NKAIN2: variants seen among roughly 807,000 people sequenced by gnomAD.
NKAIN2 encodes the protein sodium/potassium transporting ATPase interacting 2.
NKAIN2 carries 14 observed loss-of-function variants against 32.6 expected under a neutral mutation model. That is an observed-to-expected ratio of 0.43 (90% CI 0.28 to 0.67). NKAIN2 has a LOEUF of 0.67. NKAIN2 is among the 30% of genes least tolerant of loss of function. NKAIN2 has a pLI of 0.17. For missense variants in NKAIN2, 198 were observed against 258.3 expected (o/e 0.77, Z 1.60); for synonymous variants, 80 against 87.2 (o/e 0.92, Z 0.46).
chr6:124,708,404 TG>T (rs1490767831), intron 4 of NKAIN2, among the ~76,000 whole-genome samples: 1 of 151,812 alleles, frequency 6.6e-6, no homozygotes, highest in Non-Finnish European at 1.5e-5. Context: ...TTGATGGGGA[TG>T]GCATTGAATC....
chr6:124,349,044 G>T (rs1424591900), intron 2 of NKAIN2, among the ~76,000 whole-genome samples: 2 of 152,142 alleles, frequency 1.3e-5, no homozygotes, highest in African/African-American at 4.8e-5. Context: ...TTCCTTAGGA[G>T]TGATTCTAAC....
intron 4 of NKAIN2, among the ~76,000 whole-genome samples, chr6:124,714,193 G>A (rs906698228): frequency 2.0e-5 from 3 of 151,886 alleles, no homozygotes; most frequent in Non-Finnish European, 4.4e-5. Context: ...ATAAATATTG[G>A]AGCTGAGGGC....
At chr6:124,789,573 T>C (rs770034330) in intron 4 of NKAIN2, among the ~76,000 whole-genome samples, 8 of 151,922 alleles carry the variant, frequency 5.3e-5, no homozygotes, top group Non-Finnish European at 1.0e-4. Context: ...CATGATGTGT[T>C]AGTATAATCT....
At chr6:124,082,087 C>A (rs896020768) in intron 1 of NKAIN2, among the ~76,000 whole-genome samples, 1 of 151,828 alleles carries the variant, frequency 6.6e-6, no homozygotes, top group Non-Finnish European at 1.5e-5. Flanking sequence ...GGTAAATAAC[C>A]CAAGCCTAGA....
chr6:124,438,196 A>G (rs1241425257), intron 3 of NKAIN2, among the ~76,000 whole-genome samples: 1 of 152,166 alleles, frequency 6.6e-6, no homozygotes, highest in African/African-American at 2.4e-5. Flanking sequence ...CTTGATAATC[A>G]GCGTCAAGCT....
chr6:123,911,096 T>C (rs1775155418), intron 1 of NKAIN2, among the ~76,000 whole-genome samples: 1 of 152,050 alleles, frequency 6.6e-6, no homozygotes, highest in Non-Finnish European at 1.5e-5. Context: ...TATACATAGG[T>C]CTGGCATATA....
intron 3 of NKAIN2, among the ~76,000 whole-genome samples, chr6:124,436,660 T>A (rs1470119746): frequency 1.4e-4 from 22 of 152,088 alleles, no homozygotes; most frequent in Admixed American, 1.4e-3. Flanking sequence ...GTCCTCAGGG[T>A]ACACCCGGAA....
intron 4 of NKAIN2, among the ~76,000 whole-genome samples, chr6:124,709,277 CA>C (rs1159081145): frequency 1.3e-5 from 2 of 148,844 alleles, no homozygotes; most frequent in African/African-American, 5.0e-5. Context: ...CAATGTTCAT[CA>C]AGGATATTGG....
chr6:124,531,167 C>T (rs1779511581), intron 3 of NKAIN2, among the ~76,000 whole-genome samples: 1 of 152,202 alleles, frequency 6.6e-6, no homozygotes, highest in Non-Finnish European at 1.5e-5. Flanking sequence ...CATGCTGGTA[C>T]TCTGTTCTCA....
intron 3 of NKAIN2, among the ~76,000 whole-genome samples, chr6:124,601,499 C>T (rs1031245053): frequency 6.6e-6 from 1 of 151,910 alleles, no homozygotes; most frequent in Non-Finnish European, 1.5e-5. Flanking sequence ...ATAGTTAGAG[C>T]ATATAGTTCA....
chr6:123,948,935 C>T (rs540021892), intron 1 of NKAIN2, among the ~76,000 whole-genome samples: 14 of 151,706 alleles, frequency 9.2e-5, no homozygotes, highest in African/African-American at 3.1e-4. Flanking sequence ...AGTTGGTTTT[C>T]GGATATAGCA....
At chr6:124,419,518 G>A (rs1385489907) in intron 3 of NKAIN2, among the ~76,000 whole-genome samples, 1 of 152,130 alleles carries the variant, frequency 6.6e-6, no homozygotes, top group Non-Finnish European at 1.5e-5. Flanking sequence ...TAAGAAGGAG[G>A]CTGCTGAATT....
chr6:124,806,041 C>T (rs1486759732), intron 5 of NKAIN2, among the ~76,000 whole-genome samples: 33 of 151,238 alleles, frequency 2.2e-4, no homozygotes, highest in South Asian at 1.7e-3. Flanking sequence ...ACGGGGAGAA[C>T]GGAACCAAGT....
In NKAIN2 at chr6:123,911,787, A is replaced by ATATATG. The variant is rs1554222344; in HGVS notation, c.54+107538_54+107539insGTATAT. On this transcript the variant is annotated intron_variant, in intron 1 of 6. Coordinates refer to ENST00000368417, the MANE Select transcript of NKAIN2 (RefSeq NM_001040214.3). ...GTCGTATATATACATACATACATAT[A>ATATATG]TATATATATATATGTATATATATAT... Among the ~76,000 whole-genome samples the ATATATG allele has an allele frequency of 3.9e-3, 277 of 71,252 alleles. 5 individuals carry two copies. Among genetic ancestry groups the ATATATG allele is most frequent in the African/African-American group, 0.014 (272 of 18,762 alleles). 46.7% of individuals were successfully genotyped at this position (71,252 alleles called of 152,430 possible).
intron 1 of NKAIN2, among the ~76,000 whole-genome samples, chr6:124,219,071 T>C (rs1421346218): frequency 6.6e-6 from 1 of 151,992 alleles, no homozygotes; most frequent in East Asian, 1.9e-4. Context: ...CCTCCCTCCC[T>C]CAACACGTGG....
intron 2 of NKAIN2, among the ~76,000 whole-genome samples, chr6:124,313,178 G>A (rs993052791): frequency 6.6e-6 from 1 of 152,082 alleles, no homozygotes; most frequent in African/African-American, 2.4e-5. Context: ...CCTTCAGTTA[G>A]TGCATCAAAT....
rs1484472720 is a variant in NKAIN2 at position 124,559,729 on chromosome 6, C to T, written c.274-98457C>T. On this transcript the variant is annotated intron_variant, in intron 3 of 6. Transcript: ENST00000368417. ...CTATCATGCCACATAGAGGGGATGC[C>T]ACGTCCTGGGTCATCCTGGGTTCTG... Among the ~76,000 whole-genome samples the T allele has an allele frequency of 2.6e-5, 4 of 152,068 alleles. No homozygotes were observed. The East Asian group carries it at 5.8e-4, about 22-fold the overall frequency.
At chr6:123,915,573 A>G (rs917002810) in intron 1 of NKAIN2, among the ~76,000 whole-genome samples, 3 of 152,134 alleles carry the variant, frequency 2.0e-5, no homozygotes, top group African/African-American at 7.2e-5. Flanking sequence ...TCTAGTTCCT[A>G]TGGTGTGTTG....
chr6:124,723,704 A>C (rs1037131492), intron 4 of NKAIN2, among the ~76,000 whole-genome samples: 1 of 152,228 alleles, frequency 6.6e-6, no homozygotes, highest in Non-Finnish European at 1.5e-5. Flanking sequence ...AGTAAGAAAC[A>C]AGTTAAAAGG....
Sources: gnomAD v4.1 joint callset for allele counts (sites outside exome capture counted in the v4.1 genomes callset) on GRCh38, gnomAD v4.1.1 for gene constraint, MANE v1.5 for transcripts, NCBI Gene and HGNC (gene_info 2026-07-23, HGNC 2026-07-21) for gene names.